Variants in FAF1 observed in about 807,000 individuals in gnomAD.
FAF1 encodes the protein FAS-associated factor 1.
FAF1 carries 25 observed loss-of-function variants against 92.5 expected under a neutral mutation model. The observed-to-expected ratio is 0.27, with a 90% CI of 0.20 to 0.38. FAF1 has a LOEUF of 0.38. Ranked by LOEUF, FAF1 falls within the 10% of genes least tolerant of loss-of-function variation. The pLI, the probability that FAF1 is intolerant of heterozygous loss-of-function variation, is 1.00. For missense variants in FAF1, 636 were observed against 793.3 expected, an observed-to-expected ratio of 0.80 and a Z score of 2.38; for synonymous variants, 234 against 273.2, an observed-to-expected ratio of 0.86 and a Z score of 1.42.
intron 1 of FAF1, among the ~76,000 whole-genome samples, chr1:50,895,448 AAAG>A (rs1644750683): frequency 1.3e-5 from 2 of 152,232 alleles, no homozygotes. Flanking sequence ...CCAAACAGTT[AAAG>A]AAGAACTAAT....
At chr1:50,643,621 C>T (rs576015223) in intron 8 of FAF1, among the ~76,000 whole-genome samples, 3 of 152,292 alleles carry the variant, frequency 2.0e-5, no homozygotes, top group South Asian at 2.1e-4. Context: ...GAGACACAGT[C>T]TCACTCTGTC....
At chr1:50,817,396 A>G (rs1223951263) in intron 2 of FAF1, among the ~76,000 whole-genome samples, 1 of 152,254 alleles carries the variant, frequency 6.6e-6, no homozygotes, top group African/African-American at 2.4e-5. Context: ...CAAAAGACAA[A>G]TACTCTATGA....
intron 6 of FAF1, among the ~76,000 whole-genome samples, chr1:50,724,303 A>ACC (rs1658550562): frequency 7.7e-6 from 1 of 129,900 alleles, no homozygotes; most frequent in African/African-American, 3.5e-5. Flanking sequence ...ACATACACAC[A>ACC]CACACACACA....
At chr1:50,598,197 G>A (rs1309287280) in intron 8 of FAF1, among the ~76,000 whole-genome samples, 5 of 152,118 alleles carry the variant, frequency 3.3e-5, no homozygotes, top group Middle Eastern at 6.3e-3. Context: ...TTGGGTTGCT[G>A]AGGCAGGAGG....
At chr1:50,802,144 G>A (rs1266177264) in intron 2 of FAF1, among the ~76,000 whole-genome samples, 1 of 151,470 alleles carries the variant, frequency 6.6e-6, no homozygotes, top group Non-Finnish European at 1.5e-5. Context: ...AGGCTGGAGT[G>A]CAATGGTGCA....
At chr1:50,677,469 T>C (rs1656173294) in intron 7 of FAF1, among the ~76,000 whole-genome samples, 2 of 152,206 alleles carry the variant, frequency 1.3e-5, no homozygotes, top group Admixed American at 1.3e-4. Flanking sequence ...GAGTCATTTA[T>C]AATAAAAATG....
chr1:50,679,083 TC>T (rs1656306525), intron 7 of FAF1, among the ~76,000 whole-genome samples: 1 of 152,118 alleles, frequency 6.6e-6, no homozygotes, highest in African/African-American at 2.4e-5. Context: ...CGAGACTCCG[TC>T]TCAAAAAAAA....
intron 6 of FAF1, among the ~76,000 whole-genome samples, chr1:50,730,129 A>G (rs1658856666): frequency 6.6e-6 from 1 of 152,194 alleles, no homozygotes; most frequent in Non-Finnish European, 1.5e-5. Context: ...CAACTAATTC[A>G]GTTTATTTAA....
chr1:50,677,669 T>C (rs1656184275), intron 7 of FAF1, among the ~76,000 whole-genome samples: 1 of 151,886 alleles, frequency 6.6e-6, no homozygotes, highest in Admixed American at 6.6e-5. Flanking sequence ...CCAAGGTGGG[T>C]GGGTCACCTG....
chr1:50,709,567 G>A (rs1238017876), intron 6 of FAF1, among the ~76,000 whole-genome samples: 1 of 152,016 alleles, frequency 6.6e-6, no homozygotes, highest in African/African-American at 2.4e-5. Context: ...AATTGCCCCT[G>A]GTCATCAAGC....
chr1:50,715,106 A>C, intron 6 of FAF1: 1 of 361,164 alleles, frequency 2.8e-6, no homozygotes, highest in Non-Finnish European at 5.4e-6. Context: ...ACAGTTCTTC[A>C]TCTACCCTCA....
At chr1:50,742,529 G>A (rs1314844297) in intron 5 of FAF1, among the ~76,000 whole-genome samples, 2 of 152,000 alleles carry the variant, frequency 1.3e-5, no homozygotes, top group Non-Finnish European at 2.9e-5. Context: ...GAATACAGGT[G>A]TGCACCACCA....
At chr1:50,808,790 A>G (rs956327113) in intron 2 of FAF1, among the ~76,000 whole-genome samples, 1 of 152,184 alleles carries the variant, frequency 6.6e-6, no homozygotes, top group African/African-American at 2.4e-5. Flanking sequence ...GTTTACCCAA[A>G]GTCAATCAGG....
intron 1 of FAF1, among the ~76,000 whole-genome samples, chr1:50,914,311 A>G (rs1452046298): frequency 6.6e-6 from 1 of 152,248 alleles, no homozygotes; most frequent in Non-Finnish European, 1.5e-5. Context: ...AGGCATGTAA[A>G]TAAGTATACA....
At chr1:50,447,487 G>A (rs757474978) in intron 18 of FAF1, among the ~76,000 whole-genome samples, 2 of 152,174 alleles carry the variant, frequency 1.3e-5, no homozygotes, top group African/African-American at 2.4e-5. Context: ...AGGCAGAAAA[G>A]CTCTTGTTAC....
chr1:50,914,964 C>T (rs950627994), intron 1 of FAF1, among the ~76,000 whole-genome samples: 1 of 152,222 alleles, frequency 6.6e-6, no homozygotes, highest in Non-Finnish European at 1.5e-5. Context: ...AAATTATGAA[C>T]TCCCAAATCA....
At chr1:50,955,455 A>G (rs939953725) in intron 1 of FAF1, among the ~76,000 whole-genome samples, 5 of 152,224 alleles carry the variant, frequency 3.3e-5, no homozygotes, top group Non-Finnish European at 7.3e-5. Flanking sequence ...TTTTTGGTCA[A>G]ATATTCCAAA....
chr1:50,522,032 T>C (rs1647526987), intron 15 of FAF1, among the ~76,000 whole-genome samples: 1 of 152,196 alleles, frequency 6.6e-6, no homozygotes, highest in Admixed American at 6.5e-5. Context: ...GAACAACAAA[T>C]GTAAACAGGG....
chr1:50,910,003 T>A (rs977284716), intron 1 of FAF1, among the ~76,000 whole-genome samples: 1 of 152,216 alleles, frequency 6.6e-6, no homozygotes, highest in Non-Finnish European at 1.5e-5. Context: ...TTTCTCGCCA[T>A]CTTTGTGTTT....
Sources: gnomAD v4.1 joint callset for allele counts (sites outside exome capture counted in the v4.1 genomes callset) on GRCh38, gnomAD v4.1.1 for gene constraint, MANE v1.5 for transcripts, NCBI Gene and HGNC (gene_info 2026-07-23, HGNC 2026-07-21) for gene names.